Variants in KIF26B observed in about 807,000 individuals in gnomAD.
KIF26B encodes kinesin-like protein KIF26B.
Under a neutral mutation model 151.2 loss-of-function variants are expected in KIF26B, and 63 were observed. That is an observed-to-expected ratio of 0.42 (90% CI 0.34 to 0.51). The LOEUF is 0.51. KIF26B is among the 20% of genes least tolerant of loss of function. The pLI is 0.07. For missense variants in KIF26B, 2,813 were observed against 2,913.6 expected (o/e 0.97, Z 0.79); for synonymous variants, 1,357 against 1,262.1 (o/e 1.08, Z -1.59).
At position 245,366,919 on chromosome 1, in the gene KIF26B, G is replaced by A; in HGVS notation, c.551G>A (p.Cys184Tyr). 1 of 1,614,054 alleles carries A rather than the reference G, an allele frequency of 6.2e-7. No homozygotes were observed. Among genetic ancestry groups the A allele is most frequent in the Non-Finnish European group, 8.5e-7 (1 of 1,179,904 alleles). ...GCATGGAACGACCGGGACAACCGCT[G>A]TGACATTTGCGCCACTCACCTGAAC... ...RKAWNDRDNRCDICATHLNQL... is the reference protein window; with the variant it reads ...RKAWNDRDNRYDICATHLNQL... The change falls in exon 3 of 15, where the codon TGT (cysteine) becomes TAT (tyrosine). Residue 184 changes from cysteine (C) to tyrosine (Y), a missense_variant. By Grantham distance (194) the Cys-to-Tyr change is radical. Around this residue, in one of 3 missense-constraint regions of KIF26B, gnomAD observed 676 missense variants for 688.1 expected, o/e 0.98. Transcript: ENST00000407071.
rs1303580646 is a variant in KIF26B at position 245,646,184 on chromosome 1, A to G, written c.2162A>G (p.Lys721Arg). The change falls in exon 10 of 15, where the codon AAA becomes AGA. Residue 721 changes from lysine to arginine, a missense_variant. Transcript: ENST00000407071. Reference sequence around the variant, plus strand: ...GGCAGCTGTGTGAAAGCTCTTAGCAAAAATCGAGAAGGAGGCTCAGGGCTG... The same window carrying G: ...GGCAGCTGTGTGAAAGCTCTTAGCAGAAATCGAGAAGGAGGCTCAGGGCTG... Reference protein sequence around the residue: ...DLGSCVKALSKNREGGSGLCL... With the variant: ...DLGSCVKALSRNREGGSGLCL... 15 of 1,613,850 alleles carry G rather than the reference A, an allele frequency of 9.3e-6. No individual in the cohort carries two copies. Among genetic ancestry groups the G allele is most frequent in the Non-Finnish European group, 1.0e-5 (12 of 1,179,880 alleles).
At position 245,640,113 on chromosome 1, in the gene KIF26B, C is replaced by T. The variant is rs188652784; in HGVS notation, c.2099-6008C>T. 1.6e-4 allele frequency among the ~76,000 whole-genome samples: 20 copies of T among 124,184 alleles called. 1 individual carries two copies. Among genetic ancestry groups the T allele is most frequent in the Non-Finnish European group, 1.7e-5 (1 of 57,782 alleles). 81.5% of individuals were successfully genotyped at this position (124,184 alleles called of 152,430 possible). On this transcript the variant is annotated intron_variant, in intron 9 of 14. Transcript: ENST00000407071. ...AGTCTACCTCTCCTGTTTAGATCTA[C>T]TAATATTTGCTCTCTCTCTCTCTCT...
At chr1:245,441,556 G>T (rs1233564123) in intron 4 of KIF26B, among the ~76,000 whole-genome samples, 1 of 151,972 alleles carries the variant, frequency 6.6e-6, no homozygotes. Flanking sequence ...GGAGGGGAGG[G>T]TTCCAGTTCA....
intron 4 of KIF26B, among the ~76,000 whole-genome samples, chr1:245,523,849 T>G (rs1235363030): frequency 6.6e-6 from 1 of 152,188 alleles, no homozygotes; most frequent in Non-Finnish European, 1.5e-5. Context: ...AAGGATTGAT[T>G]AATCCAATGT....
chr1:245,519,311 T>C (rs1336604323), intron 4 of KIF26B, among the ~76,000 whole-genome samples: 2 of 152,136 alleles, frequency 1.3e-5, no homozygotes, highest in Non-Finnish European at 2.9e-5. Context: ...CTCAGCACTT[T>C]GGGAGGCTGA....
At chr1:245,467,239 G>T (rs1659813222) in intron 4 of KIF26B, among the ~76,000 whole-genome samples, 1 of 152,180 alleles carries the variant, frequency 6.6e-6, no homozygotes, top group African/African-American at 2.4e-5. Flanking sequence ...CCCCAATGTG[G>T]TGGGATAAAA....
intron 2 of KIF26B, among the ~76,000 whole-genome samples, chr1:245,173,144 G>T (rs971330237): frequency 2.0e-5 from 3 of 152,180 alleles, no homozygotes; most frequent in African/African-American, 7.2e-5. Context: ...AAATAAGCCA[G>T]TCACAAAGAC....
intron 2 of KIF26B, among the ~76,000 whole-genome samples, chr1:245,364,712 G>T (rs566342673): frequency 6.6e-6 from 1 of 152,084 alleles, no homozygotes; most frequent in Non-Finnish European, 1.5e-5. Context: ...GAGCCACCGC[G>T]CCCGGCTGAA....
chr1:245,570,709 T>A (rs933195809), intron 5 of KIF26B, among the ~76,000 whole-genome samples: 1 of 152,230 alleles, frequency 6.6e-6, no homozygotes, highest in Non-Finnish European at 1.5e-5. Context: ...GCTCTTCGAC[T>A]GTGGACCTCT....
intron 9 of KIF26B, among the ~76,000 whole-genome samples, chr1:245,635,356 G>C (rs1320248814): frequency 6.6e-6 from 1 of 151,886 alleles, no homozygotes; most frequent in Non-Finnish European, 1.5e-5. Context: ...TCTTGAAAGA[G>C]CTTTGGAATT....
chr1:245,291,802 C>T (rs188888357), intron 2 of KIF26B, among the ~76,000 whole-genome samples: 104 of 152,150 alleles, frequency 6.8e-4, no homozygotes, highest in South Asian at 1.7e-3. Flanking sequence ...GAGGAGGTGG[C>T]GGTGACAGTG....
intron 4 of KIF26B, among the ~76,000 whole-genome samples, chr1:245,535,763 G>T (rs1661475611): frequency 6.6e-6 from 1 of 152,146 alleles, no homozygotes; most frequent in Admixed American, 6.5e-5. Flanking sequence ...ATACAATACG[G>T]TACAATACAG....
chr1:245,249,902 G>A (rs1670411121), intron 2 of KIF26B, among the ~76,000 whole-genome samples: 2 of 152,132 alleles, frequency 1.3e-5, no homozygotes, highest in South Asian at 4.1e-4. Flanking sequence ...ACCTTACCTA[G>A]ATTATCTATA....
At chr1:245,264,352 A>C (rs1445192644) in intron 2 of KIF26B, among the ~76,000 whole-genome samples, 2 of 152,240 alleles carry the variant, frequency 1.3e-5, no homozygotes, top group Admixed American at 1.3e-4. Context: ...GTGAATGTTC[A>C]CTAATGCTGA....
At chr1:245,689,175 G>T (rs553194737) in intron 12 of KIF26B, among the ~76,000 whole-genome samples, 2 of 152,224 alleles carry the variant, frequency 1.3e-5, no homozygotes, top group Non-Finnish European at 2.9e-5. Flanking sequence ...AGCATGACCC[G>T]CACCTGCTCG....
At chr1:245,250,399 A>G (rs1221830664) in intron 2 of KIF26B, among the ~76,000 whole-genome samples, 1 of 152,258 alleles carries the variant, frequency 6.6e-6, no homozygotes, top group Admixed American at 6.5e-5. Flanking sequence ...TAACTTTCTG[A>G]TGAATGACTG....
intron 4 of KIF26B, among the ~76,000 whole-genome samples, chr1:245,503,085 C>T (rs939276204): frequency 6.6e-6 from 1 of 152,062 alleles, no homozygotes; most frequent in Non-Finnish European, 1.5e-5. Context: ...GTCTTGAACT[C>T]CCGACCTCAG....
chr1:245,309,010 CTATTTCCAG>C (rs545856125), intron 2 of KIF26B, among the ~76,000 whole-genome samples: 100 of 152,286 alleles, frequency 6.6e-4, no homozygotes, highest in African/African-American at 2.3e-3. Context: ...GGAAGAATGG[CTATTTCCAG>C]CACAGATGCC....
At chr1:245,593,371 T>C (rs1286874392) in intron 5 of KIF26B, among the ~76,000 whole-genome samples, 1 of 152,134 alleles carries the variant, frequency 6.6e-6, no homozygotes, top group South Asian at 2.1e-4. Context: ...CCTCCCTGTG[T>C]CCATGTATTC....
Sources: allele counts gnomAD v4.1 joint callset (sites outside exome capture counted in the v4.1 genomes callset), GRCh38; gene constraint gnomAD v4.1.1; regional missense constraint gnomAD v4.1.1; transcripts MANE v1.5; gene names NCBI Gene and HGNC (gene_info 2026-07-23, HGNC 2026-07-21).